PBX1: variants seen among roughly 807,000 people sequenced by gnomAD.
PBX1 encodes the protein PBX homeobox 1.
PBX1 carries 6 observed loss-of-function variants against 53.4 expected under a neutral mutation model. That is an observed-to-expected ratio of 0.11 (90% CI 0.06 to 0.22). The LOEUF (loss-of-function observed/expected upper bound fraction) is 0.22. PBX1 is among the 10% of genes least tolerant of loss of function. The pLI, the probability that PBX1 is intolerant of heterozygous loss-of-function variation, is 1.00. For synonymous variants in PBX1, 204 were observed against 212.3 expected, an observed-to-expected ratio of 0.96 and a Z score of 0.34; for missense variants, 251 against 551.4, an observed-to-expected ratio of 0.46 and a Z score of 5.46.
chr1:164,778,120 G>A (rs1182796872), intron 2 of PBX1, among the ~76,000 whole-genome samples: 1 of 152,136 alleles, frequency 6.6e-6, no homozygotes, highest in Non-Finnish European at 1.5e-5. Context: ...GCCTGGAACT[G>A]GAGGATATCT....
intron 4 of PBX1, among the ~76,000 whole-genome samples, chr1:164,801,962 G>A (rs1436869450): frequency 6.6e-6 from 1 of 152,186 alleles, no homozygotes; most frequent in African/African-American, 2.4e-5. Context: ...TTGGGAGAGA[G>A]AGCTAAGCAA....
intron 2 of PBX1, among the ~76,000 whole-genome samples, chr1:164,727,401 T>C (rs1664753197): frequency 6.6e-6 from 1 of 152,160 alleles, no homozygotes; most frequent in Non-Finnish European, 1.5e-5. Flanking sequence ...ATGTAATTCT[T>C]ATACAGGAGA....
At chr1:164,811,280 G>A (rs1023108332) in intron 5 of PBX1, among the ~76,000 whole-genome samples, 11 of 152,150 alleles carry the variant, frequency 7.2e-5, no homozygotes, top group African/African-American at 1.7e-4. Flanking sequence ...CACCTGCTGC[G>A]AACCACATGA....
In PBX1 at chr1:164,726,448, A is replaced by G. The variant is rs1254601262; in HGVS notation, c.266-66046A>G. ...GCAAAGATTGCCACGTGATCTGTTT[A>G]CTCAATCATGTGGCATTCAGCCATA... On this transcript the variant is annotated intron_variant, in intron 2 of 8. Coordinates refer to ENST00000420696, the MANE Select transcript of PBX1 (RefSeq NM_002585.4). Among the ~76,000 whole-genome samples the G allele has an allele frequency of 2.6e-5, 4 of 152,310 alleles. 1 individual carries two copies. The highest frequency in any genetic ancestry group is 1.5e-5 in the Non-Finnish European group (1 of 68,018).
Position 164,821,531 on chromosome 1 carries a change from G to A in PBX1, c.1111-6G>A. ...ATTTTCTCTCTGTTATTGTTCATCT[G>A]TTTAGGTGGATACCCTTCGCCATGT... is the stretch of plus-strand genomic sequence containing the variant. On this transcript the variant is annotated splice_polypyrimidine_tract_variant and splice_region_variant and intron_variant, in intron 7 of 8. Coordinates refer to ENST00000420696, the MANE Select transcript of PBX1 (RefSeq NM_002585.4). The A allele has an allele frequency of 6.2e-7, 1 of 1,611,548 alleles. No individual in the cohort carries two copies. The highest frequency in any genetic ancestry group is 8.5e-7 in the Non-Finnish European group (1 of 1,177,684).
intron 6 of PBX1, chr1:164,819,245 C>T (rs779136287): frequency 6.6e-6 from 1 of 152,174 alleles, no homozygotes; most frequent in African/African-American, 2.4e-5. Context: ...GGCTAACTCA[C>T]TGGATGATGC....
chr1:164,668,578 C>T (rs1273121401), intron 2 of PBX1, among the ~76,000 whole-genome samples: 3 of 151,924 alleles, frequency 2.0e-5, no homozygotes, highest in Non-Finnish European at 4.4e-5. Context: ...GCCAAAATCA[C>T]TTGGCCACAG....
chr1:164,863,431 G>C (rs1672143383), intron 2 of PBX1, among the ~76,000 whole-genome samples: 1 of 152,162 alleles, frequency 6.6e-6, no homozygotes, highest in Admixed American at 6.5e-5. Flanking sequence ...GAGTGCCAGG[G>C]ATGACAAGCA....
At position 164,863,109 on chromosome 1, in the gene PBX1, G is replaced by T. The variant is rs141486648; in HGVS notation, n.257+31626G>T. Among the ~76,000 whole-genome samples the T allele has an allele frequency of 4.7e-3, 713 of 152,310 alleles. 5 individuals carry two copies. Among genetic ancestry groups the T allele is most frequent in the African/African-American group, 0.016 (668 of 41,562 alleles). On this transcript the variant is annotated intron_variant and non_coding_transcript_variant, in intron 2 of 2. Coordinates refer to the PBX1 transcript ENST00000558796. ...GTGGTAAAAAAAAAGTTTCCCAAAG[G>T]GGGGAAATGAATGATTATCTCAGAT...
At chr1:164,881,219 A>C (rs542192262) in intron 2 of PBX1, among the ~76,000 whole-genome samples, 1 of 152,052 alleles carries the variant, frequency 6.6e-6, no homozygotes, top group East Asian at 1.9e-4. Flanking sequence ...TAAAATGTAA[A>C]CCCCCCATAG....
At chr1:164,811,948 G>A in intron 5 of PBX1, 42 bp from the exon 6 acceptor site, 7 of 1,556,150 alleles carry the variant, frequency 4.5e-6, no homozygotes, top group Non-Finnish European at 6.1e-6. Context: ...GTTTCTGAAG[G>A]ATGAAATGTG....
chr1:164,675,752 G>A lies in PBX1; in HGVS notation c.265+112441G>A, dbSNP rs115644998. 9.9e-3 allele frequency among the ~76,000 whole-genome samples: 1,513 copies of A among 152,214 alleles called. 9 individuals are homozygous for A. The highest frequency in any genetic ancestry group is 0.017 in the Non-Finnish European group (1,164 of 68,018). On this transcript the variant is annotated intron_variant, in intron 2 of 8. Transcript: ENST00000420696. ...CCCCAGACACTGAGGACTGCCTGCT[G>A]TCTTCTTAGTGCTATATCCCACCAC...
At chr1:164,874,602 C>T (rs1379926021) in intron 2 of PBX1, among the ~76,000 whole-genome samples, 1 of 152,108 alleles carries the variant, frequency 6.6e-6, no homozygotes, top group Admixed American at 6.5e-5. Context: ...TCAAGCGATT[C>T]TCATGCCTCA....
intron 2 of PBX1, among the ~76,000 whole-genome samples, chr1:164,686,982 CAAA>C (rs1160788474): frequency 6.6e-6 from 1 of 150,992 alleles, no homozygotes; most frequent in Non-Finnish European, 1.5e-5. Flanking sequence ...AAAACGAAAA[CAAA>C]AACAAAACCA....
chr1:164,742,898 G>A (rs932349562), intron 2 of PBX1, among the ~76,000 whole-genome samples: 7 of 152,186 alleles, frequency 4.6e-5, no homozygotes, highest in East Asian at 3.9e-4. Context: ...ACTGTAGAGC[G>A]GTTGACAGAG....
chr1:164,788,437 C>T (rs1247720342), intron 2 of PBX1, among the ~76,000 whole-genome samples: 12 of 150,018 alleles, frequency 8.0e-5, no homozygotes, highest in African/African-American at 3.0e-4. Context: ...ATCAGTGAAT[C>T]CCAACACCCA....
chr1:164,659,090 C>G (rs541197566), intron 2 of PBX1, among the ~76,000 whole-genome samples: 1 of 151,762 alleles, frequency 6.6e-6, no homozygotes, highest in Non-Finnish European at 1.5e-5. Context: ...AGGGCTGATT[C>G]ATTCATCATC....
intron 2 of PBX1, among the ~76,000 whole-genome samples, chr1:164,617,393 T>C (rs1185036597): frequency 6.6e-6 from 1 of 152,210 alleles, no homozygotes; most frequent in African/African-American, 2.4e-5. Flanking sequence ...TGGATGGTGG[T>C]TCAGTAATGT....
At chr1:164,854,205 C>G (rs1055275599), downstream of PBX1, 1 of 152,204 alleles carries the variant, frequency 6.6e-6, no homozygotes. Flanking sequence ...CGCACCTGGC[C>G]AAATCCCCAT....
Sources: allele counts gnomAD v4.1 joint callset (sites outside exome capture counted in the v4.1 genomes callset), GRCh38; gene constraint gnomAD v4.1.1; transcripts MANE v1.5; gene names NCBI Gene and HGNC (gene_info 2026-07-23, HGNC 2026-07-21).